Variants in ATP8A2 observed in about 807,000 individuals in gnomAD.
ATP8A2 encodes phospholipid-transporting ATPase IB.
In ATP8A2, 100 loss-of-function variants were observed where a neutral mutation model predicts 165.6. The observed-to-expected ratio is 0.60, with a 90% CI of 0.51 to 0.71. The LOEUF (loss-of-function observed/expected upper bound fraction) is 0.71, where lower values mean the gene tolerates loss of function less well. Ranked by LOEUF, ATP8A2 falls within the 30% of genes least tolerant of loss-of-function variation. The pLI is 0.00. For missense variants in ATP8A2, 1,227 were observed against 1,479.5 expected (o/e 0.83, Z 2.80); for synonymous variants, 543 against 548.8 (o/e 0.99, Z 0.15).
rs553425701 is a variant in ATP8A2, at chr13:25,894,480, C to G, written c.3183+32072C>G. 5.9e-5 allele frequency among the ~76,000 whole-genome samples: 9 copies of G among 152,246 alleles called. No individual in the cohort carries two copies. In the East Asian group the frequency reaches 1.7e-3, roughly 29 times the overall value. On this transcript the variant is annotated intron_variant, in intron 33 of 36. Coordinates refer to ENST00000381655, the MANE Select transcript of ATP8A2 (RefSeq NM_016529.6). ...AAGTCAGGTAGCATGATGCCTCCAG[C>G]TTTGTTCTTTTGGCTTAGGATTGAC...
intron 1 of ATP8A2, among the ~76,000 whole-genome samples, chr13:25,429,034 CT>C (rs201215484): frequency 0.024 from 3,604 of 152,166 alleles, 147 homozygotes; most frequent in African/African-American, 0.082. Flanking sequence ...TGAGTGCTAT[CT>C]GCTGCCATAC....
At chr13:25,950,568 A>T (rs1357793571) in intron 33 of ATP8A2, 2 of 152,256 alleles carry the variant, frequency 1.3e-5, no homozygotes, top group African/African-American at 4.8e-5. Flanking sequence ...TTAACAATGA[A>T]CAAGAGTTTA....
At chr13:25,417,895 G>C (rs764641828) in intron 1 of ATP8A2, among the ~76,000 whole-genome samples, 1 of 152,236 alleles carries the variant, frequency 6.6e-6, no homozygotes, top group Non-Finnish European at 1.5e-5. Context: ...TATGCAGTCA[G>C]TTTTACTGTG....
intron 1 of ATP8A2, among the ~76,000 whole-genome samples, chr13:25,378,710 T>C (rs1352493839): frequency 6.6e-6 from 1 of 152,200 alleles, no homozygotes; most frequent in African/African-American, 2.4e-5. Context: ...CCTCCACATA[T>C]TCCTCACTAG....
At chr13:25,920,015 T>C (rs549819778) in intron 33 of ATP8A2, among the ~76,000 whole-genome samples, 33 of 152,204 alleles carry the variant, frequency 2.2e-4, no homozygotes, top group South Asian at 1.5e-3. Flanking sequence ...CTCGAACTTC[T>C]GGGCTCAAGC....
At chr13:25,443,886 A>G (rs2034998462) in intron 1 of ATP8A2, among the ~76,000 whole-genome samples, 3 of 152,252 alleles carry the variant, frequency 2.0e-5, no homozygotes, top group Admixed American at 2.0e-4. Flanking sequence ...TTATAAGTAA[A>G]ATAAGCCACT....
intron 33 of ATP8A2, among the ~76,000 whole-genome samples, chr13:25,956,720 C>G (rs9553682): frequency 0.23 from 34,605 of 152,014 alleles, 4,108 homozygotes; most frequent in South Asian, 0.41. Flanking sequence ...ATTCAATGCT[C>G]TCCCCATCAA....
intron 27 of ATP8A2, among the ~76,000 whole-genome samples, chr13:25,824,582 T>G (rs1166447808): frequency 6.6e-6 from 1 of 152,200 alleles, no homozygotes; most frequent in African/African-American, 2.4e-5. Flanking sequence ...CACTTCCTGC[T>G]CTGGTCTCCT....
At chr13:25,396,918 C>T (rs1045016810) in intron 1 of ATP8A2, among the ~76,000 whole-genome samples, 2 of 152,200 alleles carry the variant, frequency 1.3e-5, no homozygotes, top group African/African-American at 2.4e-5. Flanking sequence ...TTATTACTCA[C>T]AGATAGGCAG....
At chr13:25,649,675 A>G (rs1387063425) in intron 24 of ATP8A2, among the ~76,000 whole-genome samples, 1 of 152,044 alleles carries the variant, frequency 6.6e-6, no homozygotes, top group East Asian at 1.9e-4. Flanking sequence ...TTAGACTCCC[A>G]GGTGTGGCAC....
intron 33 of ATP8A2, among the ~76,000 whole-genome samples, chr13:25,887,372 G>C (rs1388720489): frequency 6.6e-6 from 1 of 151,592 alleles, no homozygotes; most frequent in Non-Finnish European, 1.5e-5. Context: ...GAGTTTTGCT[G>C]TTGTTGCCCA....
At chr13:26,000,626 T>C (rs947050651) in intron 35 of ATP8A2, among the ~76,000 whole-genome samples, 2 of 142,124 alleles carry the variant, frequency 1.4e-5, no homozygotes, top group Admixed American at 1.5e-4. Flanking sequence ...TATCTCTGGG[T>C]GAAGTAATGT....
rs1056795575 is a variant in ATP8A2, at chr13:25,457,914, C to T, written c.77-11063C>T. The stretch of plus-strand genomic sequence containing the variant: ...TGGGAACAAAAGTGAATGAGCTGGC[C>T]TCTGTAGTGACTTGCTCAAATCTGA... On this transcript the variant is annotated intron_variant, in intron 1 of 36. Transcript: ENST00000381655. 4.6e-5 allele frequency among the ~76,000 whole-genome samples: 7 copies of T among 152,282 alleles called. No homozygotes were observed. In the East Asian group the frequency reaches 1.4e-3, roughly 29 times the overall value.
At chr13:25,386,566 A>G (rs1214862139) in intron 1 of ATP8A2, among the ~76,000 whole-genome samples, 1 of 152,102 alleles carries the variant, frequency 6.6e-6, no homozygotes, top group East Asian at 1.9e-4. Flanking sequence ...TATGACCCCC[A>G]CATTAATTCC....
intron 27 of ATP8A2, among the ~76,000 whole-genome samples, chr13:25,787,160 T>G (rs917581722): frequency 2.6e-5 from 4 of 152,150 alleles, no homozygotes; most frequent in Non-Finnish European, 5.9e-5. Context: ...TACACCCAGA[T>G]AAGAACAGTA....
Position 25,542,092 on chromosome 13 carries a change from G to T in ATP8A2, c.779+46G>T. On this transcript the variant is annotated intron_variant, in intron 9 of 36. Transcript: ENST00000381655. Reference sequence around the variant, plus strand: ...ATTGTCTTTTAAACTATGTGACTAAGAATTACTGGAGCTTTGGAAAATATG... The same window carrying T: ...ATTGTCTTTTAAACTATGTGACTAATAATTACTGGAGCTTTGGAAAATATG... 4 of 1,558,764 alleles carry T rather than the reference G, an allele frequency of 2.6e-6. No individual in the cohort carries two copies. The Admixed American group carries it at 7.0e-5, about 27-fold the overall frequency.
rs2035478639 is a variant in ATP8A2 at position 25,460,599 on chromosome 13, T to G, written c.77-8378T>G. Among the ~76,000 whole-genome samples the G allele has an allele frequency of 2.0e-5, 3 of 152,354 alleles. No individual in the cohort carries two copies. In the South Asian group the frequency reaches 6.2e-4, roughly 32 times the overall value. On this transcript the variant is annotated intron_variant, in intron 1 of 36. Coordinates refer to ENST00000381655, the MANE Select transcript of ATP8A2 (RefSeq NM_016529.6). ...TCTTCATTTAATTTACAGGATAAAT[T>G]TAATACATCTAAGGTATAAAATGGG...
chr13:25,783,892 T>C (rs1405004085), intron 27 of ATP8A2, among the ~76,000 whole-genome samples: 3 of 152,174 alleles, frequency 2.0e-5, no homozygotes. Context: ...AGGAATGTTC[T>C]CTGAAAGGCC....
intron 35 of ATP8A2, among the ~76,000 whole-genome samples, chr13:25,969,255 C>G (rs1258372867): frequency 6.6e-6 from 1 of 152,152 alleles, no homozygotes; most frequent in African/African-American, 2.4e-5. Context: ...CCTGCCCTTC[C>G]CCACAAGGAA....
Sources: allele counts gnomAD v4.1 joint callset (sites outside exome capture counted in the v4.1 genomes callset), GRCh38; gene constraint gnomAD v4.1.1; transcripts MANE v1.5; gene names NCBI Gene and HGNC (gene_info 2026-07-23, HGNC 2026-07-21).